Variants in RTL4 observed in about 807,000 individuals in gnomAD.
The protein encoded by RTL4 is retrotransposon Gag like 4, also known as retrotransposon Gag-like protein 4.
In RTL4, 4 loss-of-function variants were observed where a neutral mutation model predicts 5.3. The observed-to-expected ratio is 0.75, with a 90% CI of 0.37 to 1.72. The LOEUF (loss-of-function observed/expected upper bound fraction) is 1.72, where lower values mean the gene tolerates loss of function less well. Ranked by LOEUF, RTL4 falls within the 40% of genes most tolerant of loss-of-function variation. The pLI is 0.04. For missense variants in RTL4, 260 were observed against 227.1 expected (o/e 1.14, Z -0.93); for synonymous variants, 98 against 87.3 (o/e 1.12, Z -0.68).
chrX:112,348,516 A>G, the RTL4 span, among the ~76,000 whole-genome samples: 2 of 110,263 alleles, frequency 1.8e-5, no homozygotes, highest in East Asian at 2.8e-4. Flanking sequence ...ACATACACCC[A>G]CAGAAGGAAC....
chrX:112,348,585 A>G, the RTL4 span, among the ~76,000 whole-genome samples: 2 of 110,808 alleles, frequency 1.8e-5, no homozygotes, highest in South Asian at 7.6e-4. Flanking sequence ...GATTGTTGCC[A>G]TCAGAAAGTG....
chrX:112,409,408 A>C, the RTL4 span, among the ~76,000 whole-genome samples: 2 of 111,783 alleles, frequency 1.8e-5, no homozygotes, highest in East Asian at 5.6e-4. Context: ...CAAAAAACAT[A>C]CAATGGAGAC....
the RTL4 span, among the ~76,000 whole-genome samples, chrX:112,224,849 C>T: frequency 8.9e-6 from 1 of 111,749 alleles, no homozygotes; most frequent in East Asian, 2.8e-4. Context: ...AGCAGGTGGA[C>T]ACACTCTAAC....
At chrX:112,262,472 T>C in the RTL4 span, among the ~76,000 whole-genome samples, 26,405 of 110,938 alleles carry the variant, frequency 0.24, 2,755 homozygotes, top group African/African-American at 0.42. Context: ...ATCAGAGAAA[T>C]GCAAATAAAA....
chrX:112,231,859 G>A, the RTL4 span, among the ~76,000 whole-genome samples: 1 of 111,682 alleles, frequency 9.0e-6, no homozygotes, highest in Non-Finnish European at 1.9e-5. Flanking sequence ...TATGTGGCTT[G>A]TCTGAAGTTA....
exon 1 of RTL4, chrX:112,456,278 C>G (rs1327163275): frequency 6.5e-6 from 2 of 306,907 alleles, no homozygotes; most frequent in East Asian, 9.5e-5. Flanking sequence ...TGTTTTGTTT[C>G]CATCTAAAGA....
At chrX:112,342,654 A>G in the RTL4 span, among the ~76,000 whole-genome samples, 12 of 111,660 alleles carry the variant, frequency 1.1e-4, no homozygotes, top group Non-Finnish European at 2.1e-4. Context: ...GAATGTCTCT[A>G]TTTTTGAAAG....
the RTL4 span, among the ~76,000 whole-genome samples, chrX:112,442,220 A>T: frequency 1.8e-5 from 2 of 108,196 alleles, no homozygotes; most frequent in African/African-American, 6.8e-5. Flanking sequence ...TTTGTCAAAA[A>T]CTCATTGCTG....
chrX:112,360,965 A>T, the RTL4 span, among the ~76,000 whole-genome samples: 3 of 111,457 alleles, frequency 2.7e-5, no homozygotes, highest in Non-Finnish European at 5.7e-5. Flanking sequence ...GAACAAAAAA[A>T]GAAAAAAAGA....
chrX:112,350,876 C>T, the RTL4 span, among the ~76,000 whole-genome samples: 77 of 111,313 alleles, frequency 6.9e-4, no homozygotes, highest in African/African-American at 2.4e-3. Context: ...TTCAGTTCTG[C>T]TCTGATTTTA....
At chrX:112,155,019 T>G in the RTL4 span, among the ~76,000 whole-genome samples, 3 of 111,340 alleles carry the variant, frequency 2.7e-5, no homozygotes, top group African/African-American at 9.8e-5. Context: ...TTCATTCATT[T>G]GACCCTCCAC....
At chrX:112,401,515 G>A in the RTL4 span, among the ~76,000 whole-genome samples, 340 of 111,763 alleles carry the variant, frequency 3.0e-3, 1 homozygote, top group Non-Finnish European at 5.6e-3. Context: ...TCCATGCTGT[G>A]CCACTAACTA....
At chrX:112,098,037 C>T in the RTL4 span, among the ~76,000 whole-genome samples, 2 of 110,841 alleles carry the variant, frequency 1.8e-5, no homozygotes, top group Non-Finnish European at 3.8e-5. Context: ...TATACATGTG[C>T]CATGTTGGTG....
At chrX:112,299,911 T>C in the RTL4 span, among the ~76,000 whole-genome samples, 1 of 111,185 alleles carries the variant, frequency 9.0e-6, no homozygotes, top group Admixed American at 9.6e-5. Flanking sequence ...CACACACACA[T>C]ACACACACAT....
At chrX:112,104,669 T>C in the RTL4 span, among the ~76,000 whole-genome samples, 18 of 111,755 alleles carry the variant, frequency 1.6e-4, no homozygotes, top group South Asian at 7.4e-4. Context: ...CATTTTTTCA[T>C]GTACTTGTTG....
chrX:112,157,374 G>C, the RTL4 span, among the ~76,000 whole-genome samples: 1 of 110,823 alleles, frequency 9.0e-6, no homozygotes, highest in Non-Finnish European at 1.9e-5. Flanking sequence ...CCGATGTTTT[G>C]TGAGATTAGG....
the RTL4 span, among the ~76,000 whole-genome samples, chrX:112,415,603 G>A: frequency 0.053 from 5,832 of 110,276 alleles, 147 homozygotes; most frequent in African/African-American, 0.087. Flanking sequence ...TTACTGGATC[G>A]CAGGGTATGC....
chrX:112,335,361 A>C, the RTL4 span, among the ~76,000 whole-genome samples: 1 of 111,754 alleles, frequency 8.9e-6, no homozygotes, highest in East Asian at 2.8e-4. Flanking sequence ...ATCCTCTCCT[A>C]AAAGAAAGAA....
chrX:112,315,328 G>A, the RTL4 span, among the ~76,000 whole-genome samples: 1 of 111,310 alleles, frequency 9.0e-6, no homozygotes, highest in Non-Finnish European at 1.9e-5. Flanking sequence ...TGGTTACACT[G>A]AGTGGTTCAG....
Sources: allele counts gnomAD v4.1 joint callset (sites outside exome capture counted in the v4.1 genomes callset), GRCh38; gene constraint gnomAD v4.1.1; transcripts MANE v1.5; gene names NCBI Gene and HGNC (gene_info 2026-07-23, HGNC 2026-07-21).